Variants in FAM110B observed in about 807,000 individuals in gnomAD.
FAM110B encodes family with sequence similarity 110 member B.
Under a neutral mutation model 20.4 loss-of-function variants are expected in FAM110B, and 6 were observed. That is an observed-to-expected ratio of 0.29 (90% CI 0.16 to 0.58). The LOEUF (loss-of-function observed/expected upper bound fraction) is 0.58. FAM110B is among the 20% of genes least tolerant of loss of function. The pLI is 0.90. For synonymous variants in FAM110B, 226 were observed against 214.1 expected (o/e 1.06, Z -0.49); for missense variants, 434 against 498.2 (o/e 0.87, Z 1.23).
At chr8:57,999,385 A>AT (rs906782629) in intron 1 of FAM110B, among the ~76,000 whole-genome samples, 14 of 152,174 alleles carry the variant, frequency 9.2e-5, no homozygotes, top group Non-Finnish European at 1.3e-4. Flanking sequence ...CATATGGGAA[A>AT]TTTTTGAGTG....
intron 2 of FAM110B, among the ~76,000 whole-genome samples, chr8:58,031,985 G>A (rs1400882740): frequency 6.6e-6 from 1 of 152,212 alleles, no homozygotes; most frequent in Non-Finnish European, 1.5e-5. Context: ...GCAGGAATGG[G>A]GAGATTGGCA....
chr8:58,029,965 AGT>A (rs569067508), intron 1 of FAM110B, among the ~76,000 whole-genome samples: 127 of 152,326 alleles, frequency 8.3e-4, no homozygotes, highest in Non-Finnish European at 1.6e-3. Flanking sequence ...TCCCTTCAAA[AGT>A]GTGAGAAGGA....
At chr8:58,112,535 G>T (rs1235181833) in intron 3 of FAM110B, among the ~76,000 whole-genome samples, 1 of 152,158 alleles carries the variant, frequency 6.6e-6, no homozygotes. Context: ...TCCTGTAGCT[G>T]AACTTCACCT....
chr8:58,076,783 G>A (rs1475405238), intron 3 of FAM110B, among the ~76,000 whole-genome samples: 1 of 152,186 alleles, frequency 6.6e-6, no homozygotes, highest in African/African-American at 2.4e-5. Context: ...CAGAGCCTCA[G>A]CCTCAGTGCC....
chr8:58,068,033 CAAATT>C (rs142325687), intron 2 of FAM110B, among the ~76,000 whole-genome samples: 41 of 152,288 alleles, frequency 2.7e-4, no homozygotes, highest in African/African-American at 9.6e-4. Context: ...AGGCATGAAA[CAAATT>C]AATTAAACAG....
chr8:58,119,709 T>C (rs1038300126), intron 3 of FAM110B, among the ~76,000 whole-genome samples: 1 of 152,214 alleles, frequency 6.6e-6, no homozygotes, highest in Non-Finnish European at 1.5e-5. Flanking sequence ...CACTGACCTG[T>C]CTGCAGAGAT....
At chr8:57,998,619 A>AT (rs1434556561) in intron 1 of FAM110B, among the ~76,000 whole-genome samples, 7 of 152,360 alleles carry the variant, frequency 4.6e-5, no homozygotes, top group African/African-American at 1.7e-4. Context: ...AAGAAAACAC[A>AT]TATTATACCC....
intron 1 of FAM110B, among the ~76,000 whole-genome samples, chr8:58,011,668 C>T (rs779787903): frequency 1.3e-5 from 2 of 152,182 alleles, no homozygotes; most frequent in Admixed American, 1.3e-4. Flanking sequence ...AGAAAGAGAA[C>T]CTTTGACACA....
chr8:58,001,941 A>T (rs138176934), intron 1 of FAM110B, among the ~76,000 whole-genome samples: 9 of 152,296 alleles, frequency 5.9e-5, no homozygotes, highest in Non-Finnish European at 1.3e-4. Flanking sequence ...TGTCTCCAAG[A>T]TGGAGACCCA....
chr8:58,054,390 T>C (rs376625515), intron 2 of FAM110B, among the ~76,000 whole-genome samples: 6 of 152,200 alleles, frequency 3.9e-5, no homozygotes, highest in African/African-American at 1.4e-4. Context: ...ATCAAACATC[T>C]CCTTCCAATC....
intron 3 of FAM110B, among the ~76,000 whole-genome samples, chr8:58,105,297 G>C (rs967549893): frequency 6.6e-6 from 1 of 152,082 alleles, no homozygotes; most frequent in Non-Finnish European, 1.5e-5. Context: ...GAAACCTCAG[G>C]CTCCTCAGGA....
intron 1 of FAM110B, among the ~76,000 whole-genome samples, chr8:58,004,788 A>T (rs1804368464): frequency 6.6e-6 from 1 of 152,186 alleles, no homozygotes; most frequent in Non-Finnish European, 1.5e-5. Context: ...GCTAGCTTTC[A>T]ATTATTCCTT....
intron 3 of FAM110B, among the ~76,000 whole-genome samples, chr8:58,082,211 T>C (rs1235156014): frequency 2.0e-5 from 3 of 152,076 alleles, no homozygotes; most frequent in African/African-American, 7.2e-5. Context: ...TTTGTGAAAA[T>C]AAAAATTTTC....
At chr8:58,037,037 C>T (rs1034880816) in intron 2 of FAM110B, among the ~76,000 whole-genome samples, 5 of 152,008 alleles carry the variant, frequency 3.3e-5, no homozygotes, top group Admixed American at 1.3e-4. Flanking sequence ...GGAAGAACAT[C>T]GGATGGTGTG....
In FAM110B at chr8:58,147,181, C is replaced by T. The variant is rs928484789; in HGVS notation, c.951C>T (p.Asp317=). 1.9e-6 allele frequency: 3 copies of T among 1,614,198 alleles called. No individual in the cohort carries two copies. The highest frequency in any genetic ancestry group is 1.7e-6 in the Non-Finnish European group (2 of 1,180,046). The change falls in exon 4 of 4, where the codon GAC becomes GAT. Residue 317 remains aspartate, a synonymous_variant. Coordinates refer to ENST00000519262, the MANE Select transcript of FAM110B (RefSeq NM_001377989.1). The part of the protein sequence containing the change: ...NFRSASMISS[D]CEQSQDSNSD... ...GCAGCGCAAGCATGATCAGCTCAGA[C>T]TGTGAACAGTCTCAGGACAGTAACA...
intron 3 of FAM110B, among the ~76,000 whole-genome samples, chr8:58,134,976 A>G (rs558479734): frequency 1.2e-4 from 19 of 152,320 alleles, no homozygotes; most frequent in Non-Finnish European, 2.5e-4. Flanking sequence ...GAAGTAAAAT[A>G]TAATTAGTGT....
intron 1 of FAM110B, among the ~76,000 whole-genome samples, chr8:58,019,463 A>G (rs1005768898): frequency 6.6e-6 from 1 of 151,834 alleles, no homozygotes; most frequent in African/African-American, 2.4e-5. Flanking sequence ...TCTTCCTGAG[A>G]TCTAAATTTT....
chr8:58,010,690 G>A (rs1391952197), intron 1 of FAM110B, among the ~76,000 whole-genome samples: 1 of 152,238 alleles, frequency 6.6e-6, no homozygotes, highest in African/African-American at 2.4e-5. Context: ...GCACATGTGT[G>A]TAGGGTGCTG....
chr8:58,143,349 A>G (rs949203244), intron 3 of FAM110B, among the ~76,000 whole-genome samples: 1 of 152,250 alleles, frequency 6.6e-6, no homozygotes, highest in Non-Finnish European at 1.5e-5. Flanking sequence ...TCAAAACTAT[A>G]AACTCTAACC....
Sources: gnomAD v4.1 joint callset for allele counts (sites outside exome capture counted in the v4.1 genomes callset) on GRCh38, gnomAD v4.1.1 for gene constraint, MANE v1.5 for transcripts, NCBI Gene and HGNC (gene_info 2026-07-23, HGNC 2026-07-21) for gene names.